Variants in SLC7A2 observed in about 807,000 individuals in gnomAD.
SLC7A2 encodes cationic amino acid transporter 2.
Under a neutral mutation model 58.9 loss-of-function variants are expected in SLC7A2, and 48 were observed. That is an observed-to-expected ratio of 0.82 (90% CI 0.65 to 1.04). The LOEUF (loss-of-function observed/expected upper bound fraction) is 1.04. Ranked by LOEUF, SLC7A2 falls within the 50% of genes least tolerant of loss-of-function variation. SLC7A2 has a pLI of 0.00. For missense variants in SLC7A2, 1,029 were observed against 818.8 expected (o/e 1.26, Z -3.13); for synonymous variants, 363 against 314.5 (o/e 1.15, Z -1.63).
upstream of SLC7A2, among the ~76,000 whole-genome samples, chr8:17,495,952 G>C (rs1051412469): frequency 6.6e-6 from 1 of 152,222 alleles, no homozygotes; most frequent in African/African-American, 2.4e-5. Flanking sequence ...CCGTTTATTA[G>C]ATGATCTTGG....
chr8:17,507,920 A>T (rs1380020876), intron 2 of SLC7A2, among the ~76,000 whole-genome samples: 2 of 152,164 alleles, frequency 1.3e-5, no homozygotes, highest in African/African-American at 4.8e-5. Flanking sequence ...TCGTAGAGTG[A>T]CATTCTTATG....
upstream of SLC7A2, among the ~76,000 whole-genome samples, chr8:17,495,170 G>C (rs1400349963): frequency 6.6e-6 from 1 of 152,114 alleles, no homozygotes; most frequent in Non-Finnish European, 1.5e-5. Context: ...ATGTTGACCA[G>C]GTTGGCCTCG....
chr8:17,503,973 T>C (rs561212740), intron 2 of SLC7A2, among the ~76,000 whole-genome samples: 2 of 152,276 alleles, frequency 1.3e-5, no homozygotes, highest in East Asian at 1.9e-4. Context: ...CTCAGGTGTG[T>C]TTTGGCCACA....
intron 1 of SLC7A2, among the ~76,000 whole-genome samples, chr8:17,501,368 C>T (rs903152074): frequency 9.2e-5 from 14 of 152,266 alleles, no homozygotes; most frequent in African/African-American, 2.2e-4. Context: ...GCTGCTGTTA[C>T]GCTGACCTCA....
chr8:17,543,820 C>A, intron 3 of SLC7A2, 105 bp downstream of exon 3: 1 of 982,300 alleles, frequency 1.0e-6, no homozygotes, highest in Non-Finnish European at 1.5e-6. Context: ...CACTTGATGT[C>A]TGTGTGTCTC....
chr8:17,541,366 G>C (rs904247983), intron 2 of SLC7A2, among the ~76,000 whole-genome samples: 1 of 152,196 alleles, frequency 6.6e-6, no homozygotes, highest in Non-Finnish European at 1.5e-5. Flanking sequence ...AGGTTTTGAC[G>C]TTGAAAACCT....
intron 2 of SLC7A2, among the ~76,000 whole-genome samples, chr8:17,522,780 C>T (rs2720539): frequency 2.6e-5 from 4 of 151,848 alleles, no homozygotes; most frequent in Non-Finnish European, 5.9e-5. Flanking sequence ...TCATCCCTGT[C>T]ATCTCAACAC....
At chr8:17,494,343 C>T (rs1799911248), upstream of SLC7A2, among the ~76,000 whole-genome samples, 1 of 152,126 alleles carries the variant, frequency 6.6e-6, no homozygotes, top group Non-Finnish European at 1.5e-5. Context: ...TTCAGACATG[C>T]AAGAATGTTT....
chr8:17,562,088 A>G lies in SLC7A2; in HGVS notation c.1649A>G (p.Asn550Ser). ...CTCACCATCTGGAGGCAGCCCCAGA[A>G]TCAGCAAAAAGTAGCCTTCATGGTA... ...IVLTIWRQPQ[N>S]QQKVAFMVPF... The change falls in exon 11 of 13, where the codon AAT becomes AGT. Residue 550 changes from asparagine (N) to serine (S), a missense_variant. Asn to Ser is a conservative substitution (Grantham distance 46, BLOSUM62 1). Coordinates refer to ENST00000494857, the MANE Select transcript of SLC7A2 (RefSeq NM_001370338.1). 6.2e-7 allele frequency: 1 copy of G among 1,613,618 alleles called. No homozygotes were observed.
chr8:17,505,186 T>C (rs1800315847), intron 2 of SLC7A2, among the ~76,000 whole-genome samples: 1 of 149,626 alleles, frequency 6.7e-6, no homozygotes, highest in Non-Finnish European at 1.5e-5. Flanking sequence ...TTGTGTAAGA[T>C]TTCTGGAAGG....
At chr8:17,558,247 A>C in intron 8 of SLC7A2, 48 bp from the exon 9 acceptor site, 1 of 1,235,568 alleles carries the variant, frequency 8.1e-7, no homozygotes, top group Non-Finnish European at 1.2e-6. Context: ...ACTGTATGGA[A>C]TTTCCTCCTG....
intron 8 of SLC7A2, among the ~76,000 whole-genome samples, chr8:17,555,511 C>G (rs1228730250): frequency 6.6e-6 from 1 of 151,944 alleles, no homozygotes; most frequent in African/African-American, 2.4e-5. Flanking sequence ...GGATATACGT[C>G]GAATATTGCT....
chr8:17,566,052 C>G lies in SLC7A2; in HGVS notation c.*906C>G, dbSNP rs1803250494. 1 of 152,172 alleles carries G rather than the reference C, an allele frequency of 6.6e-6. No homozygotes were observed. The highest frequency in any genetic ancestry group is 2.4e-5 in the African/African-American group (1 of 41,450). 9.4% of individuals were successfully genotyped at this position (152,172 alleles called of 1,614,324 possible). On this transcript the variant is annotated 3_prime_UTR_variant, in exon 13 of 13. Transcript: ENST00000494857. ...CCGTAATGAGAATATGTTTGAAGATCAAAGAGTTAGACCAATGCTTGAATA... is the reference window on the plus strand; with the variant it reads ...CCGTAATGAGAATATGTTTGAAGATGAAAGAGTTAGACCAATGCTTGAATA...
rs534251650 is a variant in SLC7A2 at position 17,544,287 on chromosome 8, G to C, written c.377-164G>C. Among the ~76,000 whole-genome samples, 3 of 152,300 alleles carry C rather than the reference G, an allele frequency of 2.0e-5. No individual in the cohort carries two copies. In the South Asian group the frequency reaches 6.2e-4, roughly 32 times the overall value. ...TACCTGATTCCAGAGTTATGGATTT[G>C]AACATTTGATGACTACTGTATGATT... On this transcript the variant is annotated intron_variant, in intron 3 of 12. Coordinates refer to ENST00000494857, the MANE Select transcript of SLC7A2 (RefSeq NM_001370338.1).
chr8:17,506,946 A>ATT lies in SLC7A2; in HGVS notation c.-23+4660_-23+4661dup, dbSNP rs34439439. 6.1e-3 allele frequency among the ~76,000 whole-genome samples: 852 copies of ATT among 140,022 alleles called. 5 individuals carry two copies. The highest frequency in any genetic ancestry group is 7.6e-3 in the South Asian group (33 of 4,352). 91.9% of individuals were successfully genotyped at this position (140,022 alleles called of 152,430 possible). A position where few individuals can be genotyped will look rare whatever the true frequency, so the allele number is the denominator to read the frequency against. On this transcript the variant is annotated intron_variant, in intron 2 of 12. Transcript: ENST00000494857. ...CTAGAATGCACTACTTATTTGTGGA[A>ATT]TTTTTTTTTTTTTTTTTGAGGCAGA...
intron 6 of SLC7A2, among the ~76,000 whole-genome samples, chr8:17,550,753 A>G (rs917425512): frequency 3.9e-5 from 6 of 152,158 alleles, no homozygotes; most frequent in African/African-American, 1.4e-4. Context: ...ACCATCCCTA[A>G]CCTTCAGTCC....
At chr8:17,550,540 A>G (rs1802400658) in intron 6 of SLC7A2, 106 bp downstream of exon 6, 2 of 1,034,594 alleles carry the variant, frequency 1.9e-6, no homozygotes, top group East Asian at 2.6e-5. Context: ...ATTTCGGGTA[A>G]GAAGGGCACT....
intron 2 of SLC7A2, among the ~76,000 whole-genome samples, chr8:17,522,351 T>A (rs913559251): frequency 6.6e-6 from 1 of 152,050 alleles, no homozygotes; most frequent in Non-Finnish European, 1.5e-5. Flanking sequence ...CCACAACACA[T>A]AGGAATTATG....
chr8:17,511,622 C>A (rs895476890), intron 2 of SLC7A2, among the ~76,000 whole-genome samples: 1 of 152,098 alleles, frequency 6.6e-6, no homozygotes, highest in Non-Finnish European at 1.5e-5. Flanking sequence ...ATCGCTAAAC[C>A]ATTAAACATT....
Sources: gnomAD v4.1 joint callset for allele counts (sites outside exome capture counted in the v4.1 genomes callset) on GRCh38, gnomAD v4.1.1 for gene constraint, MANE v1.5 for transcripts, NCBI Gene and HGNC (gene_info 2026-07-23, HGNC 2026-07-21) for gene names.